Variants in SGMS1 observed in about 807,000 individuals in gnomAD.
The protein encoded by SGMS1 is phosphatidylcholine:ceramide cholinephosphotransferase 1.
In SGMS1, 13 loss-of-function variants were observed where a neutral mutation model predicts 46.2. The observed-to-expected ratio is 0.28, with a 90% CI of 0.18 to 0.45. The LOEUF (loss-of-function observed/expected upper bound fraction) is 0.45. Among genes scored for constraint, SGMS1 ranks in the 20% least tolerant of loss-of-function variants. SGMS1 has a pLI of 1.00. For missense variants in SGMS1, 324 were observed against 519.9 expected (o/e 0.62, Z 3.66); for synonymous variants, 203 against 187.8 (o/e 1.08, Z -0.66).
intron 6 of SGMS1, among the ~76,000 whole-genome samples, chr10:50,382,550 C>G (rs1442976264): frequency 1.2e-5 from 1 of 83,174 alleles, no homozygotes; most frequent in Non-Finnish European, 2.4e-5. Flanking sequence ...CAAGAAAACA[C>G]ACACACAAAC....
At chr10:50,311,476 C>T (rs1847250732) in intron 8 of SGMS1, 61 bp from the exon 9 acceptor site, 28 of 1,472,320 alleles carry the variant, frequency 1.9e-5, no homozygotes, top group African/African-American at 2.9e-5. Flanking sequence ...TGAAAATGTG[C>T]GAAGATTACT....
At chr10:50,441,942 T>C (rs1279541261) in intron 5 of SGMS1, among the ~76,000 whole-genome samples, 1 of 152,210 alleles carries the variant, frequency 6.6e-6, no homozygotes, top group Non-Finnish European at 1.5e-5. Flanking sequence ...GGAATAAAAA[T>C]GTCACTAATC....
At chr10:50,594,503 G>T (rs184738321) in intron 1 of SGMS1, among the ~76,000 whole-genome samples, 37 of 152,160 alleles carry the variant, frequency 2.4e-4, no homozygotes, top group Non-Finnish European at 3.8e-4. Flanking sequence ...TTTTAAACAG[G>T]CAGTTGGTTA....
chr10:50,534,503 C>T (rs1837982622), intron 2 of SGMS1, among the ~76,000 whole-genome samples: 1 of 152,100 alleles, frequency 6.6e-6, no homozygotes, highest in Non-Finnish European at 1.5e-5. Flanking sequence ...CATCAGGAGC[C>T]TTAAATATGC....
rs1218560341 is a variant in SGMS1 at position 50,327,322 on chromosome 10, C to T, written c.624G>A (p.Lys208=). 1.9e-6 allele frequency: 3 copies of T among 1,569,952 alleles called. No individual in the cohort carries two copies. Among genetic ancestry groups the T allele is most frequent in the Non-Finnish European group, 2.6e-6 (3 of 1,144,656 alleles). The change falls in exon 8 of 11, where the codon AAG becomes AAA. Residue 208 remains lysine, a splice_region_variant and synonymous_variant. Coordinates refer to ENST00000361781, the MANE Select transcript of SGMS1 (RefSeq NM_147156.4). ...AGAAAAATCTTCTGCTAATAATAGA[C>T]CTAGAAAAAGGGAAAAACAGGGCAG... The part of the protein sequence containing the change: ...WLIQWLLLKY[K]SIISRRFFCI...
At chr10:50,409,746 G>A (rs1849071219) in intron 6 of SGMS1, among the ~76,000 whole-genome samples, 1 of 152,010 alleles carries the variant, frequency 6.6e-6, no homozygotes, top group African/African-American at 2.4e-5. Context: ...CTATAAAGAG[G>A]ACAATTATAT....
chr10:50,355,373 T>G (rs1416690479), intron 6 of SGMS1, among the ~76,000 whole-genome samples: 4 of 152,204 alleles, frequency 2.6e-5, no homozygotes, highest in African/African-American at 7.2e-5. Flanking sequence ...GCAACCTCCC[T>G]GCCTGATTCT....
intron 6 of SGMS1, among the ~76,000 whole-genome samples, chr10:50,409,439 C>G (rs942165495): frequency 3.3e-5 from 5 of 152,154 alleles, no homozygotes; most frequent in African/African-American, 1.2e-4. Flanking sequence ...TACTCTTTTC[C>G]CAAAAGGATT....
At chr10:50,492,160 A>T (rs923646257) in intron 3 of SGMS1, among the ~76,000 whole-genome samples, 1 of 152,256 alleles carries the variant, frequency 6.6e-6, no homozygotes, top group African/African-American at 2.4e-5. Flanking sequence ...TATTGAAGGA[A>T]CATACCTCAG....
At chr10:50,552,011 CA>C (rs1262315249) in intron 2 of SGMS1, among the ~76,000 whole-genome samples, 2 of 152,116 alleles carry the variant, frequency 1.3e-5, no homozygotes, top group African/African-American at 4.8e-5. Flanking sequence ...ATTATAGCAC[CA>C]AAACAGTCAC....
Position 50,305,969 on chromosome 10 carries a change from A to G in SGMS1, c.*1173T>C, listed in dbSNP as rs1847177507. 6.6e-6 allele frequency: 1 copy of G among 152,644 alleles called. No homozygotes were observed. The highest frequency in any genetic ancestry group is 1.5e-5 in the Non-Finnish European group (1 of 68,006). 9.5% of individuals were successfully genotyped at this position (152,644 alleles called of 1,614,324 possible). A position where few individuals can be genotyped will look rare whatever the true frequency, so the allele number is the denominator to read the frequency against. The stretch of plus-strand genomic sequence containing the variant: ...AGTTACATGCAGTTTCTGCACAAAT[A>G]TCTTTTAAAGAAATAGATCTCTTTT... On this transcript the variant is annotated 3_prime_UTR_variant, in exon 11 of 11. Coordinates refer to ENST00000361781, the MANE Select transcript of SGMS1 (RefSeq NM_147156.4).
At chr10:50,569,971 T>C (rs1482341596) in intron 2 of SGMS1, among the ~76,000 whole-genome samples, 1 of 152,200 alleles carries the variant, frequency 6.6e-6, no homozygotes, top group East Asian at 1.9e-4. Flanking sequence ...ATCTTCTCCC[T>C]TGCTCTTTTT....
chr10:50,538,829 A>G (rs999835667), intron 2 of SGMS1, among the ~76,000 whole-genome samples: 2 of 152,224 alleles, frequency 1.3e-5, no homozygotes, highest in Admixed American at 6.5e-5. Flanking sequence ...AGAGTAGAGC[A>G]AGTTTTGATA....
intron 6 of SGMS1, among the ~76,000 whole-genome samples, chr10:50,353,473 G>T (rs1396269780): frequency 6.6e-6 from 1 of 152,288 alleles, no homozygotes; most frequent in African/African-American, 2.4e-5. Context: ...CAAACCCACA[G>T]CTAATATCAT....
intron 2 of SGMS1, among the ~76,000 whole-genome samples, chr10:50,532,225 CTGTGTGTGTGTG>C (rs71029313): frequency 0.13 from 17,453 of 130,530 alleles, 1,157 homozygotes; most frequent in Non-Finnish European, 0.17. Context: ...CTGAATGAGA[CTGTGTGTGTGTG>C]TGTGTGTGTG....
At chr10:50,624,978 G>A, upstream of SGMS1, 1 of 1,039,450 alleles carries the variant, frequency 9.6e-7, no homozygotes, top group Non-Finnish European at 1.2e-6. Context: ...CGGGCCGCGG[G>A]CGCTCGGAAC....
At chr10:50,419,146 G>A (rs1849222066) in intron 6 of SGMS1, among the ~76,000 whole-genome samples, 2 of 151,924 alleles carry the variant, frequency 1.3e-5, no homozygotes, top group Non-Finnish European at 2.9e-5. Context: ...GCATCCACTG[G>A]GGGCTTTGGA....
At position 50,343,878 on chromosome 10, in the gene SGMS1, G is replaced by A. The variant is rs1377394408; in HGVS notation, c.237C>T (p.Gly79=). ...CAATGTTGAGGTGCCCATTGGCATG[G>A]CCGTTCTTGTGTGCTTCCAAATGGT... The part of the protein sequence containing the change: ...MEHHLEAHKN[G]HANGHLNIGV... The change falls in exon 7 of 11, where the codon GGC becomes GGT. Residue 79 remains glycine (G), a synonymous_variant. Transcript: ENST00000361781. 6.2e-7 allele frequency: 1 copy of A among 1,614,162 alleles called. No homozygotes were observed. The highest frequency in any genetic ancestry group is 8.5e-7 in the Non-Finnish European group (1 of 1,180,042).
chr10:50,596,552 C>G (rs1029916741), intron 1 of SGMS1, among the ~76,000 whole-genome samples: 1 of 152,226 alleles, frequency 6.6e-6, no homozygotes, highest in Non-Finnish European at 1.5e-5. Flanking sequence ...CTAACTAGAT[C>G]AACCCTTTAT....
Sources: allele counts gnomAD v4.1 joint callset (sites outside exome capture counted in the v4.1 genomes callset), GRCh38; gene constraint gnomAD v4.1.1; transcripts MANE v1.5; gene names NCBI Gene and HGNC (gene_info 2026-07-23, HGNC 2026-07-21).